The following GABBR2 variants were observed in gnomAD, a reference collection of about 807,000 sequenced individuals.
GABBR2 encodes the protein gamma-aminobutyric acid type B receptor subunit 2.
A neutral mutation model predicts 105.6 loss-of-function variants in GABBR2; 23 were observed. That is an observed-to-expected ratio of 0.22 (90% CI 0.16 to 0.31). The LOEUF (loss-of-function observed/expected upper bound fraction) is 0.31. GABBR2 is among the 10% of genes least tolerant of loss of function. The pLI, the probability that GABBR2 is intolerant of heterozygous loss-of-function variation, is 1.00. For missense variants in GABBR2, 734 were observed against 1,245.5 expected, an observed-to-expected ratio of 0.59 and a Z score of 6.18; for synonymous variants, 478 against 499.7, an observed-to-expected ratio of 0.96 and a Z score of 0.58.
In GABBR2 at chr9:98,563,296, G is replaced by A. The variant is rs79497231; in HGVS notation, c.459+14639C>T. On this transcript the variant is annotated intron_variant, in intron 2 of 18. Transcript: ENST00000259455. ...TCTGGGCCATGAGCTGGGCTCTAAG[G>A]TTCCCCCGGCAAACAAAGGAGACGC... Among the ~76,000 whole-genome samples, 835 of 152,204 alleles carry A rather than the reference G, an allele frequency of 5.5e-3. 15 individuals are homozygous for A. Among genetic ancestry groups the A allele is most frequent in the African/African-American group, 0.019 (782 of 41,538 alleles).
intron 3 of GABBR2, among the ~76,000 whole-genome samples, chr9:98,507,408 G>C (rs1827535111): frequency 6.6e-6 from 1 of 152,094 alleles, no homozygotes; most frequent in Admixed American, 6.5e-5. Flanking sequence ...TGGAGGAAGA[G>C]GCCAGGAACC....
intron 1 of GABBR2, among the ~76,000 whole-genome samples, chr9:98,702,580 C>G (rs936814380): frequency 6.6e-6 from 1 of 152,206 alleles, no homozygotes; most frequent in African/African-American, 2.4e-5. Flanking sequence ...CAAGGCCGTC[C>G]ACGCCCAGCA....
At chr9:98,461,437 T>C (rs1399366528) in intron 6 of GABBR2, among the ~76,000 whole-genome samples, 1 of 152,222 alleles carries the variant, frequency 6.6e-6, no homozygotes, top group African/African-American at 2.4e-5. Context: ...AGTTGTTTAA[T>C]TTATGACAAA....
intron 3 of GABBR2, among the ~76,000 whole-genome samples, chr9:98,502,291 T>C (rs912651654): frequency 6.6e-6 from 1 of 152,192 alleles, no homozygotes; most frequent in South Asian, 2.1e-4. Flanking sequence ...AATGTGGGTC[T>C]GCACTGTCCC....
chr9:98,396,335 C>T (rs1832290150), intron 8 of GABBR2, among the ~76,000 whole-genome samples: 1 of 152,246 alleles, frequency 6.6e-6, no homozygotes, highest in Non-Finnish European at 1.5e-5. Context: ...TGAGGAAGTG[C>T]CTCCTGGGGC....
chr9:98,604,514 T>G (rs142350245), intron 1 of GABBR2, among the ~76,000 whole-genome samples: 623 of 152,306 alleles, frequency 4.1e-3, no homozygotes, highest in African/African-American at 0.014. Context: ...ACCCACAACA[T>G]GTAGAAGGCT....
intron 1 of GABBR2, among the ~76,000 whole-genome samples, chr9:98,641,338 A>G (rs1180037074): frequency 6.1e-5 from 9 of 147,210 alleles, no homozygotes; most frequent in Admixed American, 1.4e-4. Context: ...GGGTTTCACC[A>G]TGTTGGTCAG....
At chr9:98,431,104 C>T (rs1213560584) in intron 7 of GABBR2, among the ~76,000 whole-genome samples, 2 of 151,942 alleles carry the variant, frequency 1.3e-5, no homozygotes, top group South Asian at 2.1e-4. Context: ...CTTACCTACT[C>T]GCTTGCACAA....
chr9:98,649,511 A>G (rs1014128350), intron 1 of GABBR2, among the ~76,000 whole-genome samples: 2 of 152,182 alleles, frequency 1.3e-5, no homozygotes, highest in African/African-American at 4.8e-5. Context: ...AGAACACTCA[A>G]CAATGTCTTC....
chr9:98,533,415 G>C (rs914243346), intron 3 of GABBR2, among the ~76,000 whole-genome samples: 3 of 152,094 alleles, frequency 2.0e-5, no homozygotes, highest in Admixed American at 2.0e-4. Context: ...CTGGGGCTGG[G>C]GTTTCTCTGC....
At chr9:98,702,307 T>C (rs943006076) in intron 1 of GABBR2, among the ~76,000 whole-genome samples, 1 of 152,026 alleles carries the variant, frequency 6.6e-6, no homozygotes, top group Non-Finnish European at 1.5e-5. Context: ...GTTCCCTCTC[T>C]GTTGCCCCTC....
At chr9:98,419,560 T>C (rs1179095070) in intron 7 of GABBR2, among the ~76,000 whole-genome samples, 1 of 152,096 alleles carries the variant, frequency 6.6e-6, no homozygotes, top group Non-Finnish European at 1.5e-5. Context: ...AATTTCATAG[T>C]GCAAACTGTT....
intron 7 of GABBR2, among the ~76,000 whole-genome samples, chr9:98,417,800 G>A (rs1032178282): frequency 6.6e-6 from 1 of 152,198 alleles, no homozygotes; most frequent in African/African-American, 2.4e-5. Flanking sequence ...AGGGCTGGCA[G>A]CACAAAGGAA....
intron 4 of GABBR2, among the ~76,000 whole-genome samples, chr9:98,491,876 T>G (rs1827181565): frequency 6.6e-6 from 1 of 152,216 alleles, no homozygotes; most frequent in Non-Finnish European, 1.5e-5. Flanking sequence ...CAATGATCCC[T>G]GCTCAGCCGT....
chr9:98,402,977 G>A (rs953754316), intron 8 of GABBR2, among the ~76,000 whole-genome samples: 11 of 152,064 alleles, frequency 7.2e-5, no homozygotes, highest in African/African-American at 2.2e-4. Flanking sequence ...CCCTCTATTG[G>A]AGCAAGAGGA....
chr9:98,676,274 CT>C (rs1442624292), intron 1 of GABBR2, among the ~76,000 whole-genome samples: 1 of 152,254 alleles, frequency 6.6e-6, no homozygotes, highest in Non-Finnish European at 1.5e-5. Context: ...TGAATTCTCC[CT>C]TCAGAGCCTC....
rs141612113 is a variant in GABBR2 at position 98,599,897 on chromosome 9, C to G, written c.322-21825G>C. Reference sequence around the variant, plus strand: ...TTGAGGACTGACCAGCCCGGTCTGGCTAAAGCAGGCAGTAGGAGAAATGGG... The same window carrying G: ...TTGAGGACTGACCAGCCCGGTCTGGGTAAAGCAGGCAGTAGGAGAAATGGG... On this transcript the variant is annotated intron_variant, in intron 1 of 18. Transcript: ENST00000259455. Among the ~76,000 whole-genome samples the G allele has an allele frequency of 7.7e-4, 117 of 152,276 alleles. 1 individual carries two copies. In the East Asian group the frequency reaches 0.017, roughly 22 times the overall value.
chr9:98,607,278 G>C, intron 1 of GABBR2: 1 of 990,588 alleles, frequency 1.0e-6, no homozygotes, highest in South Asian at 1.3e-5. Flanking sequence ...GCATGTGAAC[G>C]GACGTCAGAT....
chr9:98,477,003 T>C (rs77401376), intron 5 of GABBR2, among the ~76,000 whole-genome samples: 3,104 of 152,298 alleles, frequency 0.02, 98 homozygotes, highest in African/African-American at 0.07. Flanking sequence ...CAGGACTCCA[T>C]TGCAGTATTC....
Sources: allele counts gnomAD v4.1 joint callset (sites outside exome capture counted in the v4.1 genomes callset), GRCh38; gene constraint gnomAD v4.1.1; transcripts MANE v1.5; gene names NCBI Gene and HGNC (gene_info 2026-07-23, HGNC 2026-07-21).